MYO1E: variants seen among roughly 807,000 people sequenced by gnomAD.
The protein encoded by MYO1E is unconventional myosin-Ie.
In MYO1E, 68 loss-of-function variants were observed where a neutral mutation model predicts 151.1. That is an observed-to-expected ratio of 0.45 (90% CI 0.37 to 0.55). MYO1E has a LOEUF of 0.55. MYO1E is among the 20% of genes least tolerant of loss of function. The pLI, the probability that MYO1E is intolerant of heterozygous loss-of-function variation, is 0.00. For synonymous variants in MYO1E, 601 were observed against 501.7 expected, an observed-to-expected ratio of 1.20 and a Z score of -2.64; for missense variants, 1,363 against 1,389.3, an observed-to-expected ratio of 0.98 and a Z score of 0.30.
chr15:59,368,620 C>G (rs2140445897), intron 1 of MYO1E, among the ~76,000 whole-genome samples: 1 of 152,252 alleles, frequency 6.6e-6, no homozygotes, highest in East Asian at 1.9e-4. Flanking sequence ...GTGGCAGGCA[C>G]CTGTAATCCC....
rs959769655 is a variant in MYO1E, at chr15:59,350,884, G to T, written c.3+21614C>A. Among the ~76,000 whole-genome samples the T allele has an allele frequency of 6.6e-6, 1 of 152,000 alleles. No homozygotes were observed. Among genetic ancestry groups the T allele is most frequent in the Non-Finnish European group, 1.5e-5 (1 of 67,974 alleles). Reference sequence around the variant, plus strand: ...ATTTGTTGTTGTTGTTGTTTGTTTGGTTGGTTGGTTTTTTGTTTTTTGTCT... The same window carrying T: ...ATTTGTTGTTGTTGTTGTTTGTTTGTTTGGTTGGTTTTTTGTTTTTTGTCT... On this transcript the variant is annotated intron_variant, in intron 1 of 27. Transcript: ENST00000288235. The surrounding 1 kb of genome is among the most constrained non-coding windows in gnomAD (Gnocchi z 5.0).
chr15:59,224,192 A>G (rs3794492), intron 8 of MYO1E, among the ~76,000 whole-genome samples: 79,524 of 151,970 alleles, frequency 0.52, 22,871 homozygotes, highest in Non-Finnish European at 0.68. Flanking sequence ...GGACCATAAC[A>G]TACATGCAAT....
chr15:59,342,592 G>C (rs2080772159), intron 1 of MYO1E, among the ~76,000 whole-genome samples: 1 of 152,146 alleles, frequency 6.6e-6, no homozygotes. Context: ...TTTGATTGCA[G>C]AGTTTAGTCT....
rs538720355 is a variant in MYO1E, at chr15:59,297,407, A to G, written c.4-24958T>C. Among the ~76,000 whole-genome samples the G allele has an allele frequency of 3.1e-5, 4 of 128,474 alleles. No homozygotes were observed. The Admixed American group carries it at 3.5e-4, about 11-fold the overall frequency. The allele number at this position is 128,474 out of a possible 152,430, so 84.3% of individuals were successfully genotyped here. A position where few individuals can be genotyped will look rare whatever the true frequency, so the allele number is the denominator to read the frequency against. On this transcript the variant is annotated intron_variant, in intron 1 of 27. Transcript: ENST00000288235. The stretch of plus-strand genomic sequence containing the variant: ...TGCCTCAGCCTCCTGAGTAGCTGGG[A>G]TTTCAGGTACGCACCACCACACCCA...
intron 9 of MYO1E, 119 bp from the exon 10 acceptor site, chr15:59,218,206 T>A (rs554424326): frequency 9.7e-5 from 117 of 1,201,996 alleles, no homozygotes; most frequent in Non-Finnish European, 1.2e-4. Context: ...GAAGGCACAA[T>A]CACGGGCCCC....
intron 22 of MYO1E, 144 bp downstream of exon 22, chr15:59,171,753 G>A: frequency 9.0e-7 from 1 of 1,110,770 alleles, no homozygotes; most frequent in South Asian, 1.3e-5. Flanking sequence ...TCTTCCCTTT[G>A]GGACAAAGGG....
chr15:59,250,217 T>C (rs140861477), intron 4 of MYO1E, among the ~76,000 whole-genome samples: 23 of 151,864 alleles, frequency 1.5e-4, no homozygotes, highest in African/African-American at 5.3e-4. Context: ...CATAGGAGAG[T>C]CTGACGATAT....
In MYO1E at chr15:59,372,592, G is replaced by A. The variant is rs528359750; in HGVS notation, c.-92C>T. 4.0e-6 allele frequency: 6 copies of A among 1,485,140 alleles called. No homozygotes were observed. Among genetic ancestry groups the A allele is most frequent in the Admixed American group, 4.2e-5 (2 of 47,924 alleles). The allele number at this position is 1,485,140 out of a possible 1,614,324, so 92.0% of individuals were successfully genotyped here. On this transcript the variant is annotated 5_prime_UTR_variant, in exon 1 of 28. Transcript: ENST00000288235. ...TCTTCTGGGCGAACTTCAAAAGTTG[G>A]TTCCCCTCGCCAAAAACAGGCTCCC...
chr15:59,166,366 G>T (rs186992735), intron 22 of MYO1E, among the ~76,000 whole-genome samples: 113 of 152,330 alleles, frequency 7.4e-4, no homozygotes, highest in African/African-American at 2.5e-3. Flanking sequence ...GACGCTGTAA[G>T]CTGTGTTGAA....
intron 19 of MYO1E, among the ~76,000 whole-genome samples, chr15:59,174,947 A>G (rs11857218): frequency 0.12 from 17,827 of 152,166 alleles, 1,079 homozygotes; most frequent in Middle Eastern, 0.17. Context: ...GAATGCTGAC[A>G]GCTGCGCCTC....
At position 59,372,532 on chromosome 15, in the gene MYO1E, G is replaced by A. The variant is rs544743250; in HGVS notation, c.-32C>T. On this transcript the variant is annotated 5_prime_UTR_variant, in exon 1 of 28. Coordinates refer to ENST00000288235, the MANE Select transcript of MYO1E (RefSeq NM_004998.4). ...TCGCGCCGCGGTCGCGTCTTCGCCG[G>A]GTCCCGCTGCCGGGGAACTGGGGCT... 2.0e-6 allele frequency: 3 copies of A among 1,535,514 alleles called. No individual in the cohort carries two copies. Among genetic ancestry groups the A allele is most frequent in the African/African-American group, 1.4e-5 (1 of 72,834 alleles).
intron 5 of MYO1E, among the ~76,000 whole-genome samples, chr15:59,234,809 T>G (rs1234527668): frequency 9.6e-6 from 1 of 104,544 alleles, no homozygotes; most frequent in African/African-American, 3.6e-5. Context: ...GGTGACAGAG[T>G]GAGACCCCAT....
chr15:59,264,117 C>T (rs2080239894), intron 2 of MYO1E, among the ~76,000 whole-genome samples: 1 of 152,126 alleles, frequency 6.6e-6, no homozygotes, highest in African/African-American at 2.4e-5. Context: ...TTACACTCAC[C>T]ACCAGTTCAG....
intron 1 of MYO1E, among the ~76,000 whole-genome samples, chr15:59,338,474 T>C (rs554345614): frequency 1.2e-4 from 18 of 152,250 alleles, no homozygotes; most frequent in African/African-American, 4.3e-4. Context: ...GAGAAAAATG[T>C]TTCCTCTCTG....
intron 12 of MYO1E, among the ~76,000 whole-genome samples, chr15:59,213,964 G>C (rs544436577): frequency 5.7e-4 from 87 of 152,198 alleles, no homozygotes; most frequent in African/African-American, 2.0e-3. Context: ...CGTGCTCAAT[G>C]AGTCAGTAGA....
At chr15:59,242,400 G>T (rs1015535566) in intron 4 of MYO1E, among the ~76,000 whole-genome samples, 1 of 152,124 alleles carries the variant, frequency 6.6e-6, no homozygotes, top group African/African-American at 2.4e-5. Flanking sequence ...CAGCTGGAAG[G>T]GGTTCCCACT....
At position 59,372,700 on chromosome 15, in the gene MYO1E, G is replaced by T; in HGVS notation, c.-200C>A. The T allele has an allele frequency of 1.6e-6, 1 of 621,174 alleles. No individual in the cohort carries two copies. Among genetic ancestry groups the T allele is most frequent in the Non-Finnish European group, 2.7e-6 (1 of 372,102 alleles). The allele number at this position is 621,174 out of a possible 1,614,324, so 38.5% of individuals were successfully genotyped here. A position where few individuals can be genotyped will look rare whatever the true frequency, so the allele number is the denominator to read the frequency against. ...GATTGGCGGTGCTAGGTGAGGGCGA[G>T]ACGGCGGCGACTTAGCAGGCGGGGC... is the stretch of plus-strand genomic sequence containing the variant. On this transcript the variant is annotated 5_prime_UTR_variant, in exon 1 of 28. Coordinates refer to ENST00000288235, the MANE Select transcript of MYO1E (RefSeq NM_004998.4).
intron 14 of MYO1E, chr15:59,207,959 T>C (rs1490824744): frequency 1.2e-6 from 2 of 1,614,032 alleles, no homozygotes; most frequent in African/African-American, 1.3e-5. Context: ...TTCCTCAGTA[T>C]TCCTTGTATC....
At chr15:59,233,009 C>T (rs1380930592) in intron 5 of MYO1E, among the ~76,000 whole-genome samples, 1 of 152,160 alleles carries the variant, frequency 6.6e-6, no homozygotes, top group East Asian at 1.9e-4. Context: ...TAGAAACATA[C>T]TCCCAACCTG....
Sources: gnomAD v4.1 joint callset for allele counts (sites outside exome capture counted in the v4.1 genomes callset) on GRCh38, gnomAD v4.1.1 for gene constraint, Gnocchi (gnomAD v3.1) non-coding constraint, MANE v1.5 for transcripts, NCBI Gene and HGNC (gene_info 2026-07-23, HGNC 2026-07-21) for gene names.